ABITRAM: variants seen among roughly 807,000 people sequenced by gnomAD.
The protein encoded by ABITRAM is protein Abitram.
In ABITRAM, 19 loss-of-function variants were observed where a neutral mutation model predicts 22.9. The observed-to-expected ratio is 0.83, with a 90% CI of 0.58 to 1.22. ABITRAM has a LOEUF of 1.22. Ranked by LOEUF, ABITRAM falls within the 50% of genes most tolerant of loss-of-function variation. ABITRAM has a pLI of 0.00. For missense variants in ABITRAM, 215 were observed against 220.2 expected, an observed-to-expected ratio of 0.98 and a Z score of 0.15; for synonymous variants, 70 against 73.9, an observed-to-expected ratio of 0.95 and a Z score of 0.27.
rs1830233417 is a variant in ABITRAM at position 108,939,689 on chromosome 9, A to T, written c.*3A>T. 6.2e-7 allele frequency: 1 copy of T among 1,613,312 alleles called. No individual in the cohort carries two copies. Among genetic ancestry groups the T allele is most frequent in the East Asian group, 2.2e-5 (1 of 44,886 alleles). ...ATGCCACAACAGCTACGTCATGAGG[A>T]TTGACATGGAACAAAAAGCAAAGTG... On this transcript the variant is annotated 3_prime_UTR_variant, in exon 6 of 6. Transcript: ENST00000322940.
intron 3 of ABITRAM, 33 bp downstream of exon 3, chr9:108,936,470 A>G: frequency 2.5e-6 from 4 of 1,605,782 alleles, no homozygotes; most frequent in Non-Finnish European, 3.4e-6. Context: ...TTATCTACTT[A>G]CATCCTCTAT....
downstream of ABITRAM, among the ~76,000 whole-genome samples, chr9:108,944,595 T>G (rs1380531756): frequency 6.6e-6 from 1 of 151,798 alleles, no homozygotes; most frequent in African/African-American, 2.4e-5. Flanking sequence ...AGAAGTAGAG[T>G]GAAAAAGAAG....
Position 108,934,403 on chromosome 9 carries a change from C to T in ABITRAM, c.-84C>T. On this transcript the variant is annotated 5_prime_UTR_variant, in exon 1 of 6. Coordinates refer to ENST00000322940, the MANE Select transcript of ABITRAM (RefSeq NM_017832.4). ...GCGCGTGCGCACGACACGCGCTGTG[C>T]GCCGGAAGAGCACGCCCAGTCCGGG... is the stretch of plus-strand genomic sequence containing the variant. 1.1e-5 allele frequency: 13 copies of T among 1,186,572 alleles called. No homozygotes were observed. The highest frequency in any genetic ancestry group is 1.5e-5 in the Non-Finnish European group (13 of 869,750). The allele number at this position is 1,186,572 out of a possible 1,614,324, so 73.5% of individuals were successfully genotyped here.
At chr9:108,943,100 T>C (rs1830292726), downstream of ABITRAM, 2 of 1,441,776 alleles carry the variant, frequency 1.4e-6, no homozygotes, top group African/African-American at 2.9e-5. Context: ...TAAAAGACCT[T>C]ACCATTTATT....
chr9:108,948,066 T>C (rs1019408894), intron 3 of ABITRAM: 21 of 1,157,074 alleles, frequency 1.8e-5, no homozygotes, highest in Middle Eastern at 2.0e-4. Context: ...CTCTCTGTAA[T>C]ACACAGGTAG....
chr9:108,943,543 G>T (rs1830309378), downstream of ABITRAM, among the ~76,000 whole-genome samples: 1 of 152,086 alleles, frequency 6.6e-6, no homozygotes, highest in Non-Finnish European at 1.5e-5. Flanking sequence ...CTACTCTCTG[G>T]GGTCAGTTAT....
chr9:108,948,271 G>A, intron 3 of ABITRAM: 6 of 1,581,194 alleles, frequency 3.8e-6, no homozygotes, highest in South Asian at 3.5e-5. Flanking sequence ...GTAACAAAAA[G>A]TTATTACCTG....
chr9:108,948,335 T>G (rs1564120443), intron 3 of ABITRAM: 3 of 1,130,472 alleles, frequency 2.7e-6, no homozygotes, highest in Admixed American at 5.6e-5. Flanking sequence ...TAACAAATCC[T>G]AAATTTTGAA....
chr9:108,948,315 ATT>A, intron 3 of ABITRAM: 3 of 1,327,294 alleles, frequency 2.3e-6, no homozygotes, highest in Non-Finnish European at 3.1e-6. Flanking sequence ...ATTTTAGAGC[ATT>A]TGTGTATTAA....
At chr9:108,937,064 G>GC (rs1190040433) in intron 3 of ABITRAM, among the ~76,000 whole-genome samples, 3 of 152,172 alleles carry the variant, frequency 2.0e-5, no homozygotes, top group Non-Finnish European at 4.4e-5. Flanking sequence ...GGAGGCTGAG[G>GC]CAGGAGAATG....
chr9:108,948,514 T>C (rs1303954970), intron 3 of ABITRAM, among the ~76,000 whole-genome samples: 1 of 152,208 alleles, frequency 6.6e-6, no homozygotes, highest in Non-Finnish European at 1.5e-5. Context: ...TTTAACCTTT[T>C]TCATTTTACT....
chr9:108,944,844 C>G (rs1438586024), downstream of ABITRAM, among the ~76,000 whole-genome samples: 2 of 152,132 alleles, frequency 1.3e-5, no homozygotes, highest in African/African-American at 2.4e-5. Context: ...TTTTTACCCT[C>G]TATTCAAAAG....
At chr9:108,939,344 T>C in intron 4 of ABITRAM, 41 bp from the exon 5 acceptor site, 1 of 1,588,618 alleles carries the variant, frequency 6.3e-7, no homozygotes, top group Non-Finnish European at 8.5e-7. Context: ...CAATTTTTTT[T>C]AACTAAGTAA....
Position 108,939,269 on chromosome 9 carries a change from C to G in ABITRAM, c.335C>G (p.Ser112Cys), listed in dbSNP as rs139032435. The G allele has an allele frequency of 1.1e-5, 17 of 1,611,330 alleles. No homozygotes were observed. The highest frequency in any genetic ancestry group is 1.4e-5 in the Non-Finnish European group (17 of 1,179,326). Reference protein sequence around the residue: ...YCSDGEEYTVSSCVRGRLMEV... With the variant: ...YCSDGEEYTVCSCVRGRLMEV... ...TCAGATGGTGAAGAATATACTGTGTCTAGGTGAGTAACTTTTTAGCCACCA... is the reference window on the plus strand; with the variant it reads ...TCAGATGGTGAAGAATATACTGTGTGTAGGTGAGTAACTTTTTAGCCACCA... The change falls in exon 4 of 6, where the codon TCT becomes TGT. Residue 112 changes from serine (S) to cysteine (C), a missense_variant. Coordinates refer to ENST00000322940, the MANE Select transcript of ABITRAM (RefSeq NM_017832.4).
intron 3 of ABITRAM, 122 bp downstream of exon 3, chr9:108,936,559 G>A: frequency 9.2e-7 from 1 of 1,087,010 alleles, no homozygotes; most frequent in Non-Finnish European, 1.3e-6. Context: ...AGTTTGAGGT[G>A]CTAATTTTAG....
At chr9:108,939,132 G>C (rs1830224726) in intron 3 of ABITRAM, 64 bp from the exon 4 acceptor site, 31 of 1,370,548 alleles carry the variant, frequency 2.3e-5, no homozygotes, top group Non-Finnish European at 3.2e-5. Context: ...ACACCTAAGG[G>C]CTACTTCTCA....
chr9:108,936,209 C>A, intron 2 of ABITRAM, 99 bp from the exon 3 acceptor site: 2 of 1,362,906 alleles, frequency 1.5e-6, no homozygotes, highest in Non-Finnish European at 2.0e-6. Context: ...GATAGTTTGA[C>A]TAAACAAATA....
intron 3 of ABITRAM, among the ~76,000 whole-genome samples, chr9:108,938,460 T>C (rs754670593): frequency 2.0e-5 from 3 of 152,150 alleles, no homozygotes; most frequent in Non-Finnish European, 4.4e-5. Flanking sequence ...CTGTAGATAC[T>C]TGTGAGAGCC....
rs893547571 is a variant in ABITRAM at position 108,940,873 on chromosome 9, T to C, written c.*1187T>C. The C allele has an allele frequency of 6.6e-6, 1 of 152,192 alleles. No homozygotes were observed. Among genetic ancestry groups the C allele is most frequent in the African/African-American group, 2.4e-5 (1 of 41,460 alleles). The allele number at this position is 152,192 out of a possible 1,614,324, so 9.4% of individuals were successfully genotyped here. A position where few individuals can be genotyped will look rare whatever the true frequency, so the allele number is the denominator to read the frequency against. The stretch of plus-strand genomic sequence containing the variant: ...CACTGAATTTCAAATAAAAGGACTA[T>C]AAAACGTGTTATTTTTCTGTAAGGG... On this transcript the variant is annotated 3_prime_UTR_variant, in exon 6 of 6. Transcript: ENST00000322940.
Sources: allele counts gnomAD v4.1 joint callset (sites outside exome capture counted in the v4.1 genomes callset), GRCh38; gene constraint gnomAD v4.1.1; transcripts MANE v1.5; gene names NCBI Gene and HGNC (gene_info 2026-07-23, HGNC 2026-07-21).